ATF1: variants seen among roughly 807,000 people sequenced by gnomAD.
ATF1 encodes activating transcription factor 1.
A neutral mutation model predicts 34.7 loss-of-function variants in ATF1; 16 were observed. That is an observed-to-expected ratio of 0.46 (90% confidence interval 0.31 to 0.70). The LOEUF is 0.70. ATF1 is among the 30% of genes least tolerant of loss of function. The probability of loss-of-function intolerance (pLI) is 0.05; values close to 1 mark genes in which losing one functional copy is unlikely to be tolerated. For missense variants in ATF1, 255 were observed against 321.6 expected (o/e 0.79, Z 1.58); for synonymous variants, 105 against 113.1 (o/e 0.93, Z 0.46).
At chr12:50,766,216 T>A (rs1024187486) in intron 1 of ATF1, among the ~76,000 whole-genome samples, 10 of 152,154 alleles carry the variant, frequency 6.6e-5, no homozygotes, top group Non-Finnish European at 1.3e-4. Context: ...AAACCCAGTA[T>A]TTATGTTTAG....
chr12:50,789,945 G>A (rs1366208223), intron 2 of ATF1, among the ~76,000 whole-genome samples: 2 of 152,186 alleles, frequency 1.3e-5, no homozygotes, highest in Admixed American at 1.3e-4. Flanking sequence ...ACTACCACTA[G>A]CTAAATCAAA....
intron 4 of ATF1, among the ~76,000 whole-genome samples, chr12:50,810,078 C>T (rs960041357): frequency 5.3e-5 from 8 of 151,836 alleles, no homozygotes; most frequent in African/African-American, 1.9e-4. Context: ...GGTGATCCGT[C>T]CACCTTGGCC....
At chr12:50,798,997 A>G (rs1341285884) in intron 3 of ATF1, among the ~76,000 whole-genome samples, 1 of 152,172 alleles carries the variant, frequency 6.6e-6, no homozygotes, top group African/African-American at 2.4e-5. Context: ...ATAGCATTGC[A>G]AAGACTTTGG....
At chr12:50,793,071 TCTC>T (rs1397624422) in intron 2 of ATF1, among the ~76,000 whole-genome samples, 1 of 152,168 alleles carries the variant, frequency 6.6e-6, no homozygotes, top group Non-Finnish European at 1.5e-5. Flanking sequence ...CCTCCTTTCT[TCTC>T]CTGATTATGG....
intron 3 of ATF1, among the ~76,000 whole-genome samples, chr12:50,804,630 G>C (rs532087934): frequency 2.0e-5 from 3 of 152,274 alleles, no homozygotes. Context: ...TAGTGTGGGT[G>C]ACAGCAAGAC....
intron 3 of ATF1, among the ~76,000 whole-genome samples, chr12:50,800,878 T>A (rs1941498740): frequency 6.6e-6 from 1 of 152,150 alleles, no homozygotes; most frequent in Admixed American, 6.6e-5. Flanking sequence ...GGCAGGTAGA[T>A]CACCTGAGGT....
At chr12:50,785,284 TACAC>T (rs56040362) in intron 2 of ATF1, among the ~76,000 whole-genome samples, 6,558 of 128,212 alleles carry the variant, frequency 0.051, 228 homozygotes, top group African/African-American at 0.11. Context: ...TATATATACA[TACAC>T]ACACACACAC....
At chr12:50,781,733 G>A (rs1941066348) in intron 2 of ATF1, among the ~76,000 whole-genome samples, 1 of 151,938 alleles carries the variant, frequency 6.6e-6, no homozygotes, top group African/African-American at 2.4e-5. Context: ...TTACAGGCGT[G>A]AGCCACCGTG....
chr12:50,798,482 G>A (rs1450357723), intron 3 of ATF1, among the ~76,000 whole-genome samples: 3 of 151,764 alleles, frequency 2.0e-5, no homozygotes, highest in Non-Finnish European at 4.4e-5. Context: ...CTAATTTTTT[G>A]TATTTTTTAG....
chr12:50,805,834 A>G (rs1232797767), intron 3 of ATF1, among the ~76,000 whole-genome samples: 1 of 152,064 alleles, frequency 6.6e-6, no homozygotes, highest in East Asian at 1.9e-4. Context: ...CTTGGTGGCC[A>G]ATTATTTGCA....
rs949672667 is a variant in ATF1 at position 50,808,312 on chromosome 12, T to C, written c.195-1144T>C. Among the ~76,000 whole-genome samples, 5 of 151,998 alleles carry C rather than the reference T, an allele frequency of 3.3e-5. No homozygotes were observed. The South Asian group carries it at 6.2e-4, about 19-fold the overall frequency. On this transcript the variant is annotated intron_variant, in intron 3 of 6. Coordinates refer to ENST00000262053, the MANE Select transcript of ATF1 (RefSeq NM_005171.5). The stretch of plus-strand genomic sequence containing the variant: ...TACCTACTTCGTTTGGAGAACTGTT[T>C]TATTGTTTTTTTTTGTTTGTTTTTG...
chr12:50,820,079 A>AGAT lies in ATF1; in HGVS notation c.*303_*305dup, dbSNP rs1941919312. The AGAT allele has an allele frequency of 3.8e-6, 1 of 262,128 alleles. No individual in the cohort carries two copies. The highest frequency in any genetic ancestry group is 2.2e-5 in the African/African-American group (1 of 45,636). The allele number at this position is 262,128 out of a possible 1,614,324, so 16.2% of individuals were successfully genotyped here. On this transcript the variant is annotated 3_prime_UTR_variant, in exon 7 of 7. Transcript: ENST00000262053. Reference sequence around the variant, plus strand: ...AGTTGCCAATCTAAAATGGCAGAGAAGATGAAATTTGATAAACTGAATTTT... The same window carrying AGAT: ...AGTTGCCAATCTAAAATGGCAGAGAAGATGATGAAATTTGATAAACTGAATTTT...
intron 2 of ATF1, among the ~76,000 whole-genome samples, chr12:50,790,189 T>C (rs1435306686): frequency 7.1e-6 from 1 of 141,378 alleles, no homozygotes; most frequent in Admixed American, 7.5e-5. Flanking sequence ...TCAAGACTTG[T>C]GGGTTCTATT....
chr12:50,767,387 G>A (rs1365156177), intron 1 of ATF1, among the ~76,000 whole-genome samples: 1 of 152,150 alleles, frequency 6.6e-6, no homozygotes, highest in Non-Finnish European at 1.5e-5. Context: ...GGGTGTGGTG[G>A]CGTGCGCCTG....
At chr12:50,806,403 G>A in intron 3 of ATF1, 1 of 500,226 alleles carries the variant, frequency 2.0e-6, no homozygotes, top group Non-Finnish European at 4.1e-6. Flanking sequence ...TTATCAGCAG[G>A]ATGCTGACAA....
At chr12:50,807,025 C>T (rs1433236606) in intron 3 of ATF1, among the ~76,000 whole-genome samples, 3 of 152,186 alleles carry the variant, frequency 2.0e-5, no homozygotes, top group South Asian at 2.1e-4. Flanking sequence ...TAGAAGAACA[C>T]GTGAAAAAAC....
intron 3 of ATF1, among the ~76,000 whole-genome samples, chr12:50,798,550 C>A (rs1269744042): frequency 6.6e-6 from 1 of 152,086 alleles, no homozygotes; most frequent in Non-Finnish European, 1.5e-5. Flanking sequence ...ACCTCGTGAT[C>A]TGCCCACCTT....
rs1169878266 is a variant in ATF1 at position 50,820,823 on chromosome 12, A to ATCTT, written c.*1046_*1049dup. 10 of 179,496 alleles carry ATCTT rather than the reference A, an allele frequency of 5.6e-5. No homozygotes were observed. The highest frequency in any genetic ancestry group is 9.6e-5 in the Non-Finnish European group (8 of 83,532). 11.1% of individuals were successfully genotyped at this position (179,496 alleles called of 1,614,324 possible). The stretch of plus-strand genomic sequence containing the variant: ...GACTGCCAATATATTTTTATAGCTG[A>ATCTT]TCTTTATAAATTCTAATGTTGAGTT... On this transcript the variant is annotated 3_prime_UTR_variant, in exon 7 of 7. Coordinates refer to ENST00000262053, the MANE Select transcript of ATF1 (RefSeq NM_005171.5).
At chr12:50,788,760 A>G (rs1048348397) in intron 2 of ATF1, among the ~76,000 whole-genome samples, 9 of 152,170 alleles carry the variant, frequency 5.9e-5, no homozygotes, top group South Asian at 2.1e-4. Flanking sequence ...AGTCACTCCT[A>G]TATTCCTGGC....
Sources: gnomAD v4.1 joint callset for allele counts (sites outside exome capture counted in the v4.1 genomes callset) on GRCh38, gnomAD v4.1.1 for gene constraint, MANE v1.5 for transcripts, NCBI Gene and HGNC (gene_info 2026-07-23, HGNC 2026-07-21) for gene names.